ELFN1: variants seen among roughly 807,000 people sequenced by gnomAD.
ELFN1 encodes the protein extracellular leucine rich repeat and fibronectin type III domain containing 1, also known as protein ELFN1.
ELFN1 carries 6 observed loss-of-function variants against 7.6 expected under a neutral mutation model. That is an observed-to-expected ratio of 0.79 (90% confidence interval 0.43 to 1.56). The LOEUF is 1.56. ELFN1 is among the 40% of genes most tolerant of loss of function. The pLI is 0.01. For synonymous variants in ELFN1, 657 were observed against 588.1 expected (o/e 1.12, Z -1.70); for missense variants, 1,169 against 1,232.2 (o/e 0.95, Z 0.77).
chr7:1,698,845 C>T (rs1212594844), intron 2 of ELFN1, among the ~76,000 whole-genome samples: 1 of 152,152 alleles, frequency 6.6e-6, no homozygotes, highest in Non-Finnish European at 1.5e-5. Context: ...TCACTGTGCA[C>T]AGCTTAATGA....
In ELFN1 at chr7:1,705,886, G is replaced by C. The variant is rs1562367446; in HGVS notation, c.-455-3205G>C. Among the ~76,000 whole-genome samples, 2 of 152,198 alleles carry C rather than the reference G, an allele frequency of 1.3e-5. No homozygotes were observed. The highest frequency in any genetic ancestry group is 2.9e-5 in the Non-Finnish European group (2 of 68,022). On this transcript the variant is annotated intron_variant, in intron 2 of 3. Transcript: ENST00000424383. The surrounding 1 kb of genome is among the most constrained non-coding windows in gnomAD (Gnocchi z 4.3). ...TCTTAGCTTTGACCCCTCCAGCCCA[G>C]TGGTCTCTGAGGTTCCCCAGCCTGC...
chr7:1,744,544 C>G lies in ELFN1; in HGVS notation c.-53C>G. ...CCTCTGGGGGCTGGCGCCTGGCCCCCCACCTGGTCCCCCTGGGCAGGCTGA... is the reference window on the plus strand; with the variant it reads ...CCTCTGGGGGCTGGCGCCTGGCCCCGCACCTGGTCCCCCTGGGCAGGCTGA... On this transcript the variant is annotated 5_prime_UTR_variant, in exon 4 of 4. Coordinates refer to ENST00000424383, the MANE Select transcript of ELFN1 (RefSeq NM_001128636.4). The G allele has an allele frequency of 1.4e-6, 2 of 1,439,766 alleles. No individual in the cohort carries two copies. The highest frequency in any genetic ancestry group is 2.5e-4 in the Middle Eastern group (1 of 4,024). 89.2% of individuals were successfully genotyped at this position (1,439,766 alleles called of 1,614,324 possible).
chr7:1,679,746 C>T (rs1778940112), intron 1 of ELFN1, among the ~76,000 whole-genome samples: 1 of 152,198 alleles, frequency 6.6e-6, no homozygotes, highest in African/African-American at 2.4e-5. Flanking sequence ...AATGAGGGTC[C>T]CTTCCCCCTG....
intron 3 of ELFN1, among the ~76,000 whole-genome samples, chr7:1,734,554 G>A (rs1220059346): frequency 6.6e-6 from 1 of 152,144 alleles, no homozygotes; most frequent in Non-Finnish European, 1.5e-5. Flanking sequence ...CTCTGGTCGG[G>A]AGGAGGCAGA....
intron 3 of ELFN1, among the ~76,000 whole-genome samples, chr7:1,723,607 G>A (rs1233035016): frequency 6.6e-6 from 1 of 152,226 alleles, no homozygotes. Flanking sequence ...AAACAATGCT[G>A]TTATGAACAT....
At chr7:1,671,184 A>G (rs1265169645) in intron 1 of ELFN1, among the ~76,000 whole-genome samples, 1 of 143,884 alleles carries the variant, frequency 7.0e-6, no homozygotes, top group Non-Finnish European at 1.5e-5. Context: ...CCCCCCCCAT[A>G]AAAACGACAC....
intron 2 of ELFN1, among the ~76,000 whole-genome samples, chr7:1,708,806 G>T (rs1210343668): frequency 6.6e-6 from 1 of 152,156 alleles, no homozygotes; most frequent in South Asian, 2.1e-4. Context: ...AGTGACCCCA[G>T]GTCTGGCAAC....
At chr7:1,712,463 G>A (rs564359555) in intron 3 of ELFN1, among the ~76,000 whole-genome samples, 10 of 145,936 alleles carry the variant, frequency 6.9e-5, no homozygotes, top group East Asian at 4.0e-4. Flanking sequence ...ACGGAGTCTC[G>A]CCCTGTCACC....
intron 3 of ELFN1, 98 bp downstream of exon 3, chr7:1,709,350 G>C (rs1477947716): frequency 6.6e-6 from 1 of 152,414 alleles, no homozygotes; most frequent in Non-Finnish European, 1.5e-5. Context: ...GTGCCTGGAA[G>C]GAGATGGAGA....
chr7:1,681,369 CT>C (rs894258916), intron 1 of ELFN1, among the ~76,000 whole-genome samples: 1 of 151,832 alleles, frequency 6.6e-6, no homozygotes, highest in South Asian at 2.1e-4. Flanking sequence ...TTGTAAAATT[CT>C]TTTTTTTCTT....
intron 2 of ELFN1, among the ~76,000 whole-genome samples, chr7:1,704,010 G>A (rs1035668517): frequency 9.2e-5 from 14 of 152,180 alleles, no homozygotes; most frequent in African/African-American, 2.9e-4. Flanking sequence ...GTGTCACTGC[G>A]GTGTGCCTTA....
At chr7:1,682,795 T>C (rs1185168759) in intron 1 of ELFN1, among the ~76,000 whole-genome samples, 2 of 152,284 alleles carry the variant, frequency 1.3e-5, no homozygotes, top group African/African-American at 4.8e-5. Context: ...TTCTTGGCCT[T>C]AGAGGAAAAG....
At chr7:1,699,145 T>C (rs1300825669) in intron 2 of ELFN1, among the ~76,000 whole-genome samples, 1 of 152,260 alleles carries the variant, frequency 6.6e-6, no homozygotes, top group Non-Finnish European at 1.5e-5. Flanking sequence ...CCGTATAGTA[T>C]TCCCATGTAA....
intron 2 of ELFN1, chr7:1,693,125 C>T (rs1325909755): frequency 2.9e-6 from 1 of 347,528 alleles, no homozygotes; most frequent in Middle Eastern, 9.5e-4. Context: ...GGTGCAGGCC[C>T]CCAGGAAGTG....
At chr7:1,738,865 A>T (rs906474605) in intron 3 of ELFN1, 1 of 151,648 alleles carries the variant, frequency 6.6e-6, no homozygotes, top group Non-Finnish European at 1.5e-5. Flanking sequence ...AACCAAGCAG[A>T]ACATCAGGGA....
At chr7:1,721,643 ACT>A (rs1326708585) in intron 3 of ELFN1, among the ~76,000 whole-genome samples, 1 of 151,926 alleles carries the variant, frequency 6.6e-6, no homozygotes, top group East Asian at 1.9e-4. Flanking sequence ...AGCCCACCAC[ACT>A]CAGTCCATCG....
At chr7:1,685,391 T>G (rs1583316484) in intron 1 of ELFN1, among the ~76,000 whole-genome samples, 1 of 152,308 alleles carries the variant, frequency 6.6e-6, no homozygotes, top group South Asian at 2.1e-4. Context: ...TCTTCAAATC[T>G]TATTCCTGTG....
intron 3 of ELFN1, among the ~76,000 whole-genome samples, chr7:1,713,205 A>C (rs935393288): frequency 3.9e-5 from 6 of 152,060 alleles, no homozygotes; most frequent in Non-Finnish European, 8.8e-5. Context: ...CAGGCTGCAG[A>C]CTCTGTGCTG....
rs1780761916 is a variant in ELFN1 at position 1,745,761 on chromosome 7, C to T, written c.1165C>T (p.Arg389Cys). ...CGTGGTGTCCACCAGCGCCGGGCTG[C>T]GCCACAACCACACCTGCCTCACCAT... ...YCVVSTSAGL[R>C]HNHTCLTICL... Residue 389 changes from arginine to cysteine, a missense_variant, in exon 4 of 4, where the codon CGC becomes TGC. Coordinates refer to ENST00000424383, the MANE Select transcript of ELFN1 (RefSeq NM_001128636.4). The T allele has an allele frequency of 1.9e-6, 3 of 1,552,204 alleles. No homozygotes were observed. The highest frequency in any genetic ancestry group is 2.6e-6 in the Non-Finnish European group (3 of 1,148,086).
Sources: gnomAD v4.1 joint callset for allele counts (sites outside exome capture counted in the v4.1 genomes callset) on GRCh38, gnomAD v4.1.1 for gene constraint, Gnocchi (gnomAD v3.1) non-coding constraint, MANE v1.5 for transcripts, NCBI Gene and HGNC (gene_info 2026-07-23, HGNC 2026-07-21) for gene names.